SYNE2: variants seen among roughly 807,000 people sequenced by gnomAD.
SYNE2 encodes nesprin-2.
Under a neutral mutation model 856.3 loss-of-function variants are expected in SYNE2, and 431 were observed. The ratio of observed to expected loss-of-function variants is 0.50; its 90% confidence interval spans 0.47 to 0.55. SYNE2 has a LOEUF of 0.55. Among genes scored for constraint, SYNE2 ranks in the 20% least tolerant of loss-of-function variants. SYNE2 has a pLI of 0.00. For missense variants in SYNE2, 8,129 were observed against 8,023.2 expected (o/e 1.01, Z -0.50); for synonymous variants, 2,923 against 2,872.3 (o/e 1.02, Z -0.56).
At chr14:63,938,988 A>C (rs1028982140) in intron 2 of SYNE2, among the ~76,000 whole-genome samples, 25 of 152,156 alleles carry the variant, frequency 1.6e-4, no homozygotes, top group Admixed American at 1.3e-3. Context: ...GAGTGTCTGC[A>C]TGTGTGCATG....
Position 63,839,325 on chromosome 14 carries a change from G to A in SYNE2, c.-304-13176G>A, listed in dbSNP as rs373160124. ...ATTACAGGTGTGAGCCACCGCGCCC[G>A]GCCTAAGATTTCTTAATTTTGCCAG... On this transcript the variant is annotated intron_variant, in intron 1 of 23. Transcript: ENST00000674003. Among the ~76,000 whole-genome samples the A allele has an allele frequency of 7.2e-4, 109 of 152,102 alleles. 1 individual carries two copies. In the South Asian group the frequency reaches 0.016, roughly 22 times the overall value.
At chr14:64,110,724 T>G (rs1361823289) in intron 65 of SYNE2, among the ~76,000 whole-genome samples, 1 of 151,848 alleles carries the variant, frequency 6.6e-6, no homozygotes, top group East Asian at 1.9e-4. Flanking sequence ...AACTCTGAAT[T>G]AAAAGATCAC....
intron 1 of SYNE2, among the ~76,000 whole-genome samples, chr14:63,791,599 A>T (rs536638242): frequency 6.6e-6 from 1 of 152,196 alleles, no homozygotes; most frequent in African/African-American, 2.4e-5. Context: ...AGTAACTGTG[A>T]TAAAGAAGCA....
In SYNE2 at chr14:64,118,893, G is replaced by A. The variant is rs542715335; in HGVS notation, c.12841-534G>A. ...AAAAAAAAAAAAGATTAGGAAGGTA[G>A]GGGGAAAATAAGAATATCTGCACTT... On this transcript the variant is annotated intron_variant, in intron 66 of 115. Coordinates refer to ENST00000555002, the MANE Select transcript of SYNE2 (RefSeq NM_182914.3). Among the ~76,000 whole-genome samples, 27 of 151,886 alleles carry A rather than the reference G, an allele frequency of 1.8e-4. No individual in the cohort carries two copies. In the South Asian group the frequency reaches 3.1e-3, roughly 18 times the overall value.
chr14:63,804,737 G>A (rs61985724), intron 1 of SYNE2, among the ~76,000 whole-genome samples: 1,640 of 152,190 alleles, frequency 0.011, 24 homozygotes, highest in Non-Finnish European at 0.016. Context: ...CAGGTGATCC[G>A]CCCGCCTTGG....
chr14:64,090,684 T>C (rs2153627210), intron 59 of SYNE2, among the ~76,000 whole-genome samples, 182 bp from the exon 60 acceptor site: 1 of 152,346 alleles, frequency 6.6e-6, no homozygotes, highest in East Asian at 1.9e-4. Flanking sequence ...CCAGTTATTC[T>C]TTCCTGAGAC....
chr14:63,903,574 C>T (rs1247347318), intron 1 of SYNE2, among the ~76,000 whole-genome samples: 1 of 152,040 alleles, frequency 6.6e-6, no homozygotes, highest in Non-Finnish European at 1.5e-5. Flanking sequence ...AACAATCCTC[C>T]CACCTCAGAC....
At chr14:63,918,992 G>T (rs970807735) in intron 2 of SYNE2, among the ~76,000 whole-genome samples, 17 of 152,046 alleles carry the variant, frequency 1.1e-4, no homozygotes, top group Non-Finnish European at 2.1e-4. Context: ...AACTTCCAGG[G>T]GGTTTTGATG....
chr14:64,099,182 T>C (rs2097701271), intron 63 of SYNE2: 1 of 303,328 alleles, frequency 3.3e-6, no homozygotes, highest in Non-Finnish European at 6.3e-6. Context: ...ATTACTCTTT[T>C]GCTCTAAAAC....
intron 43 of SYNE2, among the ~76,000 whole-genome samples, chr14:64,028,713 G>A (rs7144722): frequency 0.88 from 134,539 of 152,194 alleles, 59,669 homozygotes; most frequent in Non-Finnish European, 0.93. Flanking sequence ...AGGCATCTCT[G>A]TGAAGGTAAC....
rs749519315 is a variant in SYNE2 at position 64,175,092 on chromosome 14, A to C, written c.17384A>C (p.Glu5795Ala). 1 of 1,614,166 alleles carries C rather than the reference A, an allele frequency of 6.2e-7. No individual in the cohort carries two copies. Among genetic ancestry groups the C allele is most frequent in the South Asian group, 1.1e-5 (1 of 91,084 alleles). ...SQLQDSWKDM[E>A]PQLAEMIKQF... is the part of the protein sequence containing the mutation. ...CTTCAGGACAGCTGGAAAGACATGG[A>C]GCCCCAGCTGGCAGAGATGATTAAG... The change falls in exon 95 of 116, where the codon GAG (glutamate) becomes GCG (alanine). Residue 5795 changes from glutamate (E) to alanine (A), a missense_variant. Physicochemically the swap from Glu to Ala is moderately radical, Grantham distance 107. Coordinates refer to ENST00000555002, the MANE Select transcript of SYNE2 (RefSeq NM_182914.3).
At chr14:64,055,022 A>C (rs1023433399) in intron 48 of SYNE2, among the ~76,000 whole-genome samples, 18 of 152,234 alleles carry the variant, frequency 1.2e-4, no homozygotes, top group African/African-American at 4.3e-4. Context: ...CATAAATCCC[A>C]AAAATAATAG....
intron 50 of SYNE2, among the ~76,000 whole-genome samples, chr14:64,063,300 G>A (rs756602861): frequency 6.6e-6 from 1 of 152,158 alleles, no homozygotes; most frequent in South Asian, 2.1e-4. Flanking sequence ...CTCCAGCCTC[G>A]GCCTTTCAAA....
At chr14:64,058,483 A>G (rs2097291033) in intron 49 of SYNE2, among the ~76,000 whole-genome samples, 1 of 151,892 alleles carries the variant, frequency 6.6e-6, no homozygotes, top group South Asian at 2.1e-4. Flanking sequence ...CTTTAAGGCC[A>G]ATAACTCTTT....
intron 2 of SYNE2, among the ~76,000 whole-genome samples, chr14:63,927,098 G>A (rs370270597): frequency 2.8e-4 from 42 of 152,318 alleles, no homozygotes; most frequent in African/African-American, 7.0e-4. Context: ...CCCACACAGC[G>A]CCTCCTAGGC....
At chr14:63,992,341 G>A (rs1416001401) in intron 21 of SYNE2, among the ~76,000 whole-genome samples, 3 of 152,006 alleles carry the variant, frequency 2.0e-5, no homozygotes, top group Admixed American at 6.6e-5. Flanking sequence ...CAGTGGTGCT[G>A]TCTCAGCTCA....
intron 19 of SYNE2, among the ~76,000 whole-genome samples, chr14:63,988,449 T>A (rs540796931): frequency 6.6e-6 from 1 of 152,204 alleles, no homozygotes; most frequent in Non-Finnish European, 1.5e-5. Context: ...AGCTTTTTTG[T>A]TGGTTTTATA....
intron 97 of SYNE2, among the ~76,000 whole-genome samples, chr14:64,188,245 A>G (rs370670636): frequency 1.3e-5 from 2 of 152,238 alleles, no homozygotes; most frequent in African/African-American, 4.8e-5. Context: ...ATCTTCATCT[A>G]GCCTTTCCTG....
chr14:63,861,815 G>A (rs1485855296), intron 1 of SYNE2, among the ~76,000 whole-genome samples: 1 of 152,174 alleles, frequency 6.6e-6, no homozygotes, highest in African/African-American at 2.4e-5. Context: ...TATGTGTGTT[G>A]TTGAAGTGAG....
Sources: gnomAD v4.1 joint callset for allele counts (sites outside exome capture counted in the v4.1 genomes callset) on GRCh38, gnomAD v4.1.1 for gene constraint, MANE v1.5 for transcripts, NCBI Gene and HGNC (gene_info 2026-07-23, HGNC 2026-07-21) for gene names.